Variants in MACROD2 observed in about 807,000 individuals in gnomAD.
MACROD2 encodes the protein mono-ADP ribosylhydrolase 2, also known as ADP-ribose glycohydrolase MACROD2.
MACROD2 carries 36 observed loss-of-function variants against 70.4 expected under a neutral mutation model. That is an observed-to-expected ratio of 0.51 (90% CI 0.39 to 0.68). The LOEUF is 0.68. Ranked by LOEUF, MACROD2 falls within the 30% of genes least tolerant of loss-of-function variation. MACROD2 has a pLI of 0.00. For synonymous variants in MACROD2, 172 were observed against 178.8 expected (o/e 0.96, Z 0.30); for missense variants, 496 against 538.4 (o/e 0.92, Z 0.78).
At chr20:15,266,737 C>G (rs747346553) in intron 6 of MACROD2, among the ~76,000 whole-genome samples, 14 of 152,316 alleles carry the variant, frequency 9.2e-5, no homozygotes, top group Non-Finnish European at 1.9e-4. Context: ...TTCAAGACCT[C>G]CCATGAATTG....
chr20:15,347,232 T>A (rs1266384900), intron 6 of MACROD2, among the ~76,000 whole-genome samples: 2 of 152,214 alleles, frequency 1.3e-5, no homozygotes, highest in Non-Finnish European at 2.9e-5. Context: ...TTGTCCAAGA[T>A]CTTTAATGAC....
At chr20:15,542,481 C>T (rs532545142) in intron 8 of MACROD2, among the ~76,000 whole-genome samples, 1 of 152,050 alleles carries the variant, frequency 6.6e-6, no homozygotes, top group African/African-American at 2.4e-5. Flanking sequence ...TAATAGCCAT[C>T]GATATTGCAA....
At chr20:15,985,730 A>T (rs963416644) in intron 13 of MACROD2, 3 of 152,402 alleles carry the variant, frequency 2.0e-5, no homozygotes, top group East Asian at 1.9e-4. Context: ...TCGGCTGTCC[A>T]TCAGTTACCT....
intron 8 of MACROD2, among the ~76,000 whole-genome samples, chr20:15,648,559 A>G (rs1347474152): frequency 6.6e-6 from 1 of 152,218 alleles, no homozygotes; most frequent in Non-Finnish European, 1.5e-5. Context: ...GAAATTCTGA[A>G]ATCACTTCTT....
chr20:15,572,953 A>G (rs1040300200), intron 8 of MACROD2, among the ~76,000 whole-genome samples: 3 of 152,318 alleles, frequency 2.0e-5, no homozygotes, highest in East Asian at 1.9e-4. Context: ...ATTACAAAAT[A>G]GAACCAATAA....
intron 5 of MACROD2, among the ~76,000 whole-genome samples, chr20:15,078,391 G>T (rs768095399): frequency 6.6e-6 from 1 of 152,140 alleles, no homozygotes; most frequent in Non-Finnish European, 1.5e-5. Context: ...AGAGAAGGGG[G>T]ATGAAAGGCC....
chr20:14,833,234 G>A, intron 5 of MACROD2, among the ~76,000 whole-genome samples: 1 of 152,142 alleles, frequency 6.6e-6, no homozygotes, highest in East Asian at 1.9e-4. Flanking sequence ...TGGGGCTTAT[G>A]GGGCTGTGGG....
chr20:15,802,038 A>G (rs778967318), intron 8 of MACROD2, among the ~76,000 whole-genome samples: 7 of 152,014 alleles, frequency 4.6e-5, no homozygotes, highest in South Asian at 2.1e-4. Flanking sequence ...ACTAATTTTT[A>G]TATTAATTTT....
At chr20:15,312,523 G>A (rs1011783332) in intron 6 of MACROD2, among the ~76,000 whole-genome samples, 3 of 152,218 alleles carry the variant, frequency 2.0e-5, no homozygotes, top group East Asian at 1.9e-4. Flanking sequence ...CTTTTTCTAC[G>A]TTTGTGTATG....
chr20:15,113,292 C>T (rs1252377379), intron 5 of MACROD2, among the ~76,000 whole-genome samples: 4 of 152,128 alleles, frequency 2.6e-5, no homozygotes, highest in African/African-American at 9.7e-5. Context: ...GAGAAAATAG[C>T]ACTGCTGGTG....
At chr20:15,293,456 G>A (rs140160048) in intron 6 of MACROD2, among the ~76,000 whole-genome samples, 133 of 152,084 alleles carry the variant, frequency 8.7e-4, no homozygotes, top group Non-Finnish European at 1.5e-3. Context: ...TCAGCACTTC[G>A]GACACTTCTG....
chr20:14,312,316 C>T (rs796513203), intron 3 of MACROD2, among the ~76,000 whole-genome samples: 10 of 152,196 alleles, frequency 6.6e-5, no homozygotes, highest in South Asian at 4.1e-4. Context: ...TTGATCAATG[C>T]GTAATTGCAT....
chr20:15,012,979 A>T (rs932815672), intron 5 of MACROD2, among the ~76,000 whole-genome samples: 3 of 152,214 alleles, frequency 2.0e-5, no homozygotes, highest in Non-Finnish European at 4.4e-5. Context: ...AGAGGAGAAC[A>T]CAAACCAGCG....
At chr20:14,750,709 C>G (rs1412726110) in intron 5 of MACROD2, among the ~76,000 whole-genome samples, 2 of 99,014 alleles carry the variant, frequency 2.0e-5, no homozygotes, top group Non-Finnish European at 2.4e-5. Flanking sequence ...ATCTACCCAA[C>G]TCAGCCTCCC....
intron 8 of MACROD2, among the ~76,000 whole-genome samples, chr20:15,815,616 A>T (rs1481186992): frequency 6.6e-6 from 1 of 152,206 alleles, no homozygotes; most frequent in Non-Finnish European, 1.5e-5. Flanking sequence ...ATGAAATATT[A>T]TGACAGTTGT....
chr20:14,471,834 T>G (rs2084534362), intron 3 of MACROD2, among the ~76,000 whole-genome samples: 2 of 152,158 alleles, frequency 1.3e-5, no homozygotes. Context: ...GATTAACTTA[T>G]TAATCTTGAA....
At chr20:15,344,542 C>T (rs6043224) in intron 6 of MACROD2, among the ~76,000 whole-genome samples, 1 of 151,930 alleles carries the variant, frequency 6.6e-6, no homozygotes, top group Non-Finnish European at 1.5e-5. Flanking sequence ...CTCTGAGGCC[C>T]AGTTTTTTTC....
intron 5 of MACROD2, among the ~76,000 whole-genome samples, chr20:14,764,277 A>G (rs1248349059): frequency 6.6e-6 from 1 of 151,726 alleles, no homozygotes; most frequent in Non-Finnish European, 1.5e-5. Flanking sequence ...TGGAGCCAGC[A>G]CTCCCAAGCC....
chr20:14,733,362 C>A (rs1487620056), intron 5 of MACROD2, among the ~76,000 whole-genome samples: 1 of 152,134 alleles, frequency 6.6e-6, no homozygotes, highest in Non-Finnish European at 1.5e-5. Context: ...ACATAAGAGG[C>A]AGCTCAGGGT....
Sources: gnomAD v4.1 joint callset for allele counts (sites outside exome capture counted in the v4.1 genomes callset) on GRCh38, gnomAD v4.1.1 for gene constraint, MANE v1.5 for transcripts, NCBI Gene and HGNC (gene_info 2026-07-23, HGNC 2026-07-21) for gene names.